Variants in CDK5RAP2 observed in about 807,000 individuals in gnomAD.
The protein encoded by CDK5RAP2 is CDK5 regulatory subunit associated protein 2, also known as CDK5 regulatory subunit-associated protein 2.
In CDK5RAP2, 147 loss-of-function variants were observed where a neutral mutation model predicts 232.9. That is an observed-to-expected ratio of 0.63 (90% CI 0.55 to 0.72). The LOEUF (loss-of-function observed/expected upper bound fraction) is 0.72. Ranked by LOEUF, CDK5RAP2 falls within the 30% of genes least tolerant of loss-of-function variation. The pLI, the probability that CDK5RAP2 is intolerant of heterozygous loss-of-function variation, is 0.00. For missense variants in CDK5RAP2, 2,195 were observed against 2,231.5 expected (o/e 0.98, Z 0.33); for synonymous variants, 833 against 833.7 (o/e 1.00, Z 0.01).
chr9:120,411,305 T>C (rs1301881199), intron 29 of CDK5RAP2, 53 bp downstream of exon 29: 1 of 1,089,608 alleles, frequency 9.2e-7, no homozygotes, highest in Non-Finnish European at 1.4e-6. Flanking sequence ...ATTCTTTCCA[T>C]GACACAGAAG....
intron 35 of CDK5RAP2, among the ~76,000 whole-genome samples, chr9:120,395,848 AT>A (rs2032420221): frequency 6.6e-6 from 1 of 152,258 alleles, no homozygotes; most frequent in African/African-American, 2.4e-5. Flanking sequence ...TTTCTGGCAA[AT>A]TAGGTGTGGG....
At chr9:120,511,251 A>G (rs1229142465) in intron 12 of CDK5RAP2, among the ~76,000 whole-genome samples, 1 of 152,238 alleles carries the variant, frequency 6.6e-6, no homozygotes, top group African/African-American at 2.4e-5. Context: ...TGGTTGGCTT[A>G]CCATCAAAAT....
At chr9:120,564,968 A>C (rs1768678472) in intron 3 of CDK5RAP2, among the ~76,000 whole-genome samples, 1 of 152,224 alleles carries the variant, frequency 6.6e-6, no homozygotes. Context: ...ATAGAAGAGC[A>C]ACTGATTTAC....
At chr9:120,525,897 C>T (rs1371599836) in intron 10 of CDK5RAP2, among the ~76,000 whole-genome samples, 5 of 152,204 alleles carry the variant, frequency 3.3e-5, no homozygotes, top group African/African-American at 1.2e-4. Flanking sequence ...GGATAAAAGG[C>T]GTAAGCCACC....
chr9:120,556,387 T>TA (rs1326782688), intron 3 of CDK5RAP2, among the ~76,000 whole-genome samples: 1 of 152,044 alleles, frequency 6.6e-6, no homozygotes, highest in Non-Finnish European at 1.5e-5. Flanking sequence ...TTCAGCGTTT[T>TA]AAAAAATAAT....
intron 20 of CDK5RAP2, among the ~76,000 whole-genome samples, chr9:120,458,235 T>C (rs931567809): frequency 1.3e-5 from 2 of 152,310 alleles, no homozygotes. Flanking sequence ...CTCCTCTTTA[T>C]AATGGGCTTA....
Position 120,518,463 on chromosome 9 carries a change from G to A in CDK5RAP2, c.1275C>T (p.Ala425=), listed in dbSNP as rs759647964. The part of the protein sequence containing the change: ...RERLEKDLEE[A]HREKSKGDCT... ...AGTCTCCTTTGCTCTTCTCTCGATG[G>A]GCTTCCTCCAGGTCCTTCTCCAGTC... The change falls in exon 12 of 38, where the codon GCC becomes GCT. Residue 425 remains alanine, a synonymous_variant. Coordinates refer to ENST00000349780, the MANE Select transcript of CDK5RAP2 (RefSeq NM_018249.6). The A allele has an allele frequency of 2.5e-6, 4 of 1,613,558 alleles. No homozygotes were observed. Among genetic ancestry groups the A allele is most frequent in the East Asian group, 2.2e-5 (1 of 44,862 alleles).
At chr9:120,569,662 G>A (rs147931010) in intron 2 of CDK5RAP2, among the ~76,000 whole-genome samples, 1 of 152,178 alleles carries the variant, frequency 6.6e-6, no homozygotes, top group African/African-American at 2.4e-5. Flanking sequence ...GGTAAACAGG[G>A]ACAGACTGTA....
Position 120,530,143 on chromosome 9 carries a change from A to G in CDK5RAP2, c.663-3T>C, listed in dbSNP as rs752098318. 3 of 1,610,144 alleles carry G rather than the reference A, an allele frequency of 1.9e-6. No individual in the cohort carries two copies. In the East Asian group the frequency reaches 6.7e-5, roughly 36 times the overall value. On this transcript the variant is annotated splice_region_variant and splice_polypyrimidine_tract_variant and intron_variant, in intron 7 of 37. Coordinates refer to ENST00000349780, the MANE Select transcript of CDK5RAP2 (RefSeq NM_018249.6). Reference sequence around the variant, plus strand: ...ACAGCTTCAACTCCTCAATCAGTCTAAAAGAGAACAAAATTTAAATATTAA... The same window carrying G: ...ACAGCTTCAACTCCTCAATCAGTCTGAAAGAGAACAAAATTTAAATATTAA...
intron 5 of CDK5RAP2, among the ~76,000 whole-genome samples, chr9:120,545,061 G>A (rs2132021371): frequency 6.6e-6 from 1 of 152,164 alleles, no homozygotes; most frequent in South Asian, 2.1e-4. Flanking sequence ...CTTTTCAAAT[G>A]TTTTTTAAGG....
intron 12 of CDK5RAP2, among the ~76,000 whole-genome samples, chr9:120,504,379 G>T (rs1416686270): frequency 6.6e-6 from 1 of 152,112 alleles, no homozygotes; most frequent in Non-Finnish European, 1.5e-5. Flanking sequence ...AACAAGAATG[G>T]CCCCCAAAAT....
At chr9:120,569,897 G>A (rs753759937) in intron 2 of CDK5RAP2, among the ~76,000 whole-genome samples, 1 of 152,080 alleles carries the variant, frequency 6.6e-6, no homozygotes, top group Non-Finnish European at 1.5e-5. Flanking sequence ...GAGTATAGGT[G>A]GGTGAGAACT....
At chr9:120,579,897 G>C (rs2043179026) in intron 1 of CDK5RAP2, 23 bp downstream of exon 1, 1 of 1,603,190 alleles carries the variant, frequency 6.2e-7, no homozygotes, top group African/African-American at 1.3e-5. Context: ...CGGTTACCAC[G>C]ACCACCAATG....
At chr9:120,567,455 T>A (rs2042688456) in intron 3 of CDK5RAP2, among the ~76,000 whole-genome samples, 1 of 152,246 alleles carries the variant, frequency 6.6e-6, no homozygotes, top group East Asian at 1.9e-4. Context: ...ATCTCTTGTG[T>A]CTTGCATAGT....
At chr9:120,533,722 T>C (rs577159026) in intron 7 of CDK5RAP2, among the ~76,000 whole-genome samples, 4 of 143,490 alleles carry the variant, frequency 2.8e-5, no homozygotes, top group Non-Finnish European at 4.5e-5. Flanking sequence ...CACCTGAACC[T>C]GGGAAGCTGA....
At chr9:120,390,137 G>A (rs2031801581) in intron 36 of CDK5RAP2, 3 of 297,922 alleles carry the variant, frequency 1.0e-5, no homozygotes, top group Non-Finnish European at 2.0e-5. Flanking sequence ...GGGCCAGGGA[G>A]GGCAATGGCG....
intron 12 of CDK5RAP2, among the ~76,000 whole-genome samples, chr9:120,511,990 G>A (rs903326001): frequency 6.6e-6 from 1 of 151,952 alleles, no homozygotes; most frequent in Non-Finnish European, 1.5e-5. Flanking sequence ...CACCCACCTC[G>A]GCCTCCCAAA....
At chr9:120,408,044 GT>G in intron 31 of CDK5RAP2, 1 of 422,234 alleles carries the variant, frequency 2.4e-6, no homozygotes, top group South Asian at 2.1e-5. Context: ...TGAGAGACAT[GT>G]TTTACAGAGA....
intron 31 of CDK5RAP2, 191 bp downstream of exon 31, chr9:120,408,156 A>G: frequency 1.4e-6 from 1 of 711,648 alleles, no homozygotes; most frequent in South Asian, 1.6e-5. Flanking sequence ...GCTGAGCCTC[A>G]GTCCTTCTAT....
Sources: allele counts gnomAD v4.1 joint callset (sites outside exome capture counted in the v4.1 genomes callset), GRCh38; gene constraint gnomAD v4.1.1; transcripts MANE v1.5; gene names NCBI Gene and HGNC (gene_info 2026-07-23, HGNC 2026-07-21).